The following DCC variants were observed in gnomAD, a reference collection of about 807,000 sequenced individuals.
DCC encodes DCC netrin 1 receptor, also known as netrin receptor DCC.
Under a neutral mutation model 172.5 loss-of-function variants are expected in DCC, and 58 were observed. That is an observed-to-expected ratio of 0.34 (90% CI 0.27 to 0.42). The LOEUF (loss-of-function observed/expected upper bound fraction) is 0.42, where lower values mean the gene tolerates loss of function less well. Ranked by LOEUF, DCC falls within the 10% of genes least tolerant of loss-of-function variation. The pLI is 1.00. For synonymous variants in DCC, 709 were observed against 644.5 expected, an observed-to-expected ratio of 1.10 and a Z score of -1.52; for missense variants, 1,740 against 1,791.0, an observed-to-expected ratio of 0.97 and a Z score of 0.51.
At chr18:52,361,186 T>A (rs1041540367) in intron 1 of DCC, among the ~76,000 whole-genome samples, 2 of 152,228 alleles carry the variant, frequency 1.3e-5, no homozygotes, top group African/African-American at 4.8e-5. Flanking sequence ...TATATGCTTA[T>A]TATAAATATT....
intron 23 of DCC, among the ~76,000 whole-genome samples, chr18:53,452,889 G>T (rs1294644034): frequency 7.2e-6 from 1 of 138,722 alleles, no homozygotes; most frequent in Non-Finnish European, 1.6e-5. Flanking sequence ...TAGTTTAGTG[G>T]GGTTTGTTTG....
At chr18:52,939,011 T>C (rs543936654) in intron 5 of DCC, among the ~76,000 whole-genome samples, 1 of 152,312 alleles carries the variant, frequency 6.6e-6, no homozygotes, top group Non-Finnish European at 1.5e-5. Context: ...TGCACCTTCG[T>C]AGAAACTCTC....
intron 1 of DCC, among the ~76,000 whole-genome samples, chr18:52,424,632 A>G (rs963672807): frequency 6.6e-6 from 1 of 152,114 alleles, no homozygotes; most frequent in South Asian, 2.1e-4. Flanking sequence ...CAGCCCTCCA[A>G]CTAGGCAACA....
chr18:53,215,482 A>G, intron 11 of DCC, 66 bp from the exon 12 acceptor site: 1 of 1,226,696 alleles, frequency 8.2e-7, no homozygotes, highest in East Asian at 2.3e-5. Context: ...TCTTTTTACT[A>G]GACAGGTGGT....
chr18:52,940,774 A>G (rs192334154), intron 5 of DCC, among the ~76,000 whole-genome samples: 9 of 152,332 alleles, frequency 5.9e-5, no homozygotes, highest in Admixed American at 5.9e-4. Flanking sequence ...GATGTCAGCT[A>G]TCCCTTGAAG....
intron 1 of DCC, among the ~76,000 whole-genome samples, chr18:52,468,512 A>G (rs892849410): frequency 1.3e-5 from 2 of 152,186 alleles, no homozygotes; most frequent in Non-Finnish European, 2.9e-5. Flanking sequence ...CAAAACTTCA[A>G]ATTAATGGTA....
chr18:52,976,592 T>G (rs888770848), intron 5 of DCC, among the ~76,000 whole-genome samples: 1 of 152,214 alleles, frequency 6.6e-6, no homozygotes, highest in African/African-American at 2.4e-5. Context: ...ATGACAACAT[T>G]TAAAGCTCAT....
rs10553153 is a variant in DCC, at chr18:52,603,591, T to TACACACACAC, written c.92-148437_92-148428dup. Among the ~76,000 whole-genome samples the TACACACACAC allele has an allele frequency of 2.5e-3, 357 of 144,688 alleles. 2 individuals carry two copies. The highest frequency in any genetic ancestry group is 5.1e-3 in the African/African-American group (198 of 39,108). 94.9% of individuals were successfully genotyped at this position (144,688 alleles called of 152,430 possible). A position where few individuals can be genotyped will look rare whatever the true frequency, so the allele number is the denominator to read the frequency against. The stretch of plus-strand genomic sequence containing the variant: ...TAGAAACCCTAAAATGTGAAGTTAA[T>TACACACACAC]ACACACACACACACACACACACACA... On this transcript the variant is annotated intron_variant, in intron 1 of 28. Coordinates refer to ENST00000442544, the MANE Select transcript of DCC (RefSeq NM_005215.4).
intron 8 of DCC, among the ~76,000 whole-genome samples, chr18:53,165,261 G>A (rs186466712): frequency 6.6e-5 from 10 of 152,280 alleles, no homozygotes; most frequent in Non-Finnish European, 1.5e-4. Context: ...CCAACTTGCA[G>A]CAATATATGC....
At chr18:52,626,592 T>C (rs1221869) in intron 1 of DCC, among the ~76,000 whole-genome samples, 77,590 of 151,884 alleles carry the variant, frequency 0.51, 20,698 homozygotes, top group Non-Finnish European at 0.6. Flanking sequence ...CTAGCCAAAG[T>C]CTCCAAGTCC....
Position 53,440,499 on chromosome 18 carries a change from G to GT in DCC, c.3229+5303dup, listed in dbSNP as rs34062390. Among the ~76,000 whole-genome samples the GT allele has an allele frequency of 5.3e-3, 776 of 145,962 alleles. 1 individual carries two copies. The highest frequency in any genetic ancestry group is 0.012 in the South Asian group (55 of 4,610). Reference sequence around the variant, plus strand: ...GTTTGCTCTCTATTTTTGCAAACCTGTTTTTTTTTTTTTAGAATTCAATAA... The same window carrying GT: ...GTTTGCTCTCTATTTTTGCAAACCTGTTTTTTTTTTTTTTAGAATTCAATAA... On this transcript the variant is annotated intron_variant, in intron 22 of 28. Transcript: ENST00000442544.
chr18:52,857,860 A>C (rs1476510903), intron 2 of DCC, among the ~76,000 whole-genome samples: 1 of 152,228 alleles, frequency 6.6e-6, no homozygotes, highest in Non-Finnish European at 1.5e-5. Flanking sequence ...TGCAAATGAG[A>C]AAATAATAAT....
Position 53,044,010 on chromosome 18 carries a change from A to G in DCC, c.986-19295A>G, listed in dbSNP as rs554461056. The stretch of plus-strand genomic sequence containing the variant: ...CTAGATCTAATGGGTAATGGCACTG[A>G]CAGCTTCAAATATGTTTCATAAAGA... On this transcript the variant is annotated intron_variant, in intron 5 of 28. Coordinates refer to ENST00000442544, the MANE Select transcript of DCC (RefSeq NM_005215.4). Among the ~76,000 whole-genome samples the G allele has an allele frequency of 5.9e-4, 89 of 152,010 alleles. No homozygotes were observed. In the South Asian group the frequency reaches 0.018, roughly 30 times the overall value.
At chr18:53,048,752 C>A (rs1009463185) in intron 5 of DCC, among the ~76,000 whole-genome samples, 1 of 151,384 alleles carries the variant, frequency 6.6e-6, no homozygotes, top group African/African-American at 2.4e-5. Flanking sequence ...CTCTTTTCAG[C>A]TCTTTGAGGA....
At chr18:53,289,191 AT>A (rs2056970419) in intron 12 of DCC, among the ~76,000 whole-genome samples, 1 of 152,160 alleles carries the variant, frequency 6.6e-6, no homozygotes, top group Non-Finnish European at 1.5e-5. Context: ...CTTTTGAAAA[AT>A]AATTGTTGAA....
chr18:53,071,520 C>G (rs1460148204), intron 7 of DCC, among the ~76,000 whole-genome samples: 4 of 152,132 alleles, frequency 2.6e-5, no homozygotes, highest in Admixed American at 2.0e-4. Flanking sequence ...TTTTCTGTCT[C>G]TCTCTATAGA....
chr18:52,895,553 AAATG>A (rs1214194027), intron 2 of DCC, among the ~76,000 whole-genome samples: 1 of 152,208 alleles, frequency 6.6e-6, no homozygotes, highest in African/African-American at 2.4e-5. Flanking sequence ...TTTTAGAAAA[AAATG>A]AGCAATATAA....
chr18:52,394,245 T>C (rs79309736), intron 1 of DCC, among the ~76,000 whole-genome samples: 4,162 of 152,062 alleles, frequency 0.027, 183 homozygotes, highest in African/African-American at 0.095. Context: ...TGAATACTAT[T>C]TGCAACAGAA....
intron 1 of DCC, among the ~76,000 whole-genome samples, chr18:52,666,699 C>T (rs191103956): frequency 6.6e-6 from 1 of 152,212 alleles, no homozygotes; most frequent in African/African-American, 2.4e-5. Context: ...AATTGGAAAG[C>T]ACAGAATCAA....
Sources: gnomAD v4.1 joint callset for allele counts (sites outside exome capture counted in the v4.1 genomes callset) on GRCh38, gnomAD v4.1.1 for gene constraint, MANE v1.5 for transcripts, NCBI Gene and HGNC (gene_info 2026-07-23, HGNC 2026-07-21) for gene names.